ZNF333: variants seen among roughly 807,000 people sequenced by gnomAD.
The protein encoded by ZNF333 is zinc finger protein 333.
ZNF333 carries 61 observed loss-of-function variants against 76.1 expected under a neutral mutation model. The observed-to-expected ratio is 0.80, with a 90% CI of 0.65 to 0.99. ZNF333 has a LOEUF of 0.99. Ranked by LOEUF, ZNF333 falls within the 50% of genes least tolerant of loss-of-function variation. The pLI is 0.00. For synonymous variants in ZNF333, 284 were observed against 305.0 expected, an observed-to-expected ratio of 0.93 and a Z score of 0.72; for missense variants, 717 against 822.4, an observed-to-expected ratio of 0.87 and a Z score of 1.57.
chr19:14,697,290 T>C (rs149796401), intron 4 of ZNF333, among the ~76,000 whole-genome samples: 14 of 152,250 alleles, frequency 9.2e-5, no homozygotes, highest in African/African-American at 3.4e-4. Context: ...TTGGATTGTT[T>C]CTACTTTTTA....
Position 14,720,504 on chromosome 19 carries a change from A to T in ZNF333, c.*1179A>T, listed in dbSNP as rs2042563574. 1 of 985,338 alleles carries T rather than the reference A, an allele frequency of 1.0e-6. No individual in the cohort carries two copies. Among genetic ancestry groups the T allele is most frequent in the Admixed American group, 6.1e-5 (1 of 16,270 alleles). The allele number at this position is 985,338 out of a possible 1,614,324, so 61.0% of individuals were successfully genotyped here. A position where few individuals can be genotyped will look rare whatever the true frequency, so the allele number is the denominator to read the frequency against. On this transcript the variant is annotated 3_prime_UTR_variant, in exon 12 of 12. Transcript: ENST00000292530. ...AAAAAATATTTAGGATAGATTTAATAGAATTGGCATATTTATGTGATTGCA... is the reference window on the plus strand; with the variant it reads ...AAAAAATATTTAGGATAGATTTAATTGAATTGGCATATTTATGTGATTGCA...
chr19:14,719,056 C>G lies in ZNF333; in HGVS notation c.1729C>G (p.Leu577Val). The G allele has an allele frequency of 6.2e-7, 1 of 1,614,182 alleles. No individual in the cohort carries two copies. Among genetic ancestry groups the G allele is most frequent in the East Asian group, 2.2e-5 (1 of 44,876 alleles). ...GCGAGCCTTCAGTGAGCCCTCATCC[C>G]TCAGGAAACATGCAAGGACTCACAG... The part of the protein sequence containing the change: ...CGRAFSEPSS[L>V]RKHARTHSGK... The change falls in exon 12 of 12, where the codon CTC becomes GTC. Residue 577 changes from leucine to valine, a missense_variant. Transcript: ENST00000292530.
In ZNF333 at chr19:14,717,086, G is replaced by GCAGGTGAGCCCAGGCAGAT; in HGVS notation, c.823+7_823+25dup. The GCAGGTGAGCCCAGGCAGAT allele has an allele frequency of 6.2e-7, 1 of 1,603,714 alleles. No homozygotes were observed. The highest frequency in any genetic ancestry group is 8.5e-7 in the Non-Finnish European group (1 of 1,173,930). On this transcript the variant is annotated frameshift_variant, in exon 10 of 12. Coordinates refer to ENST00000292530, the MANE Select transcript of ZNF333 (RefSeq NM_032433.4). LOFTEE classifies it high-confidence loss of function. Reference sequence around the variant, plus strand: ...CAGGGGCGTCCTCTCAGACACCTGTGCAGGTGAGCCCAGGCAGATCAGGTG... The same window carrying GCAGGTGAGCCCAGGCAGAT: ...CAGGGGCGTCCTCTCAGACACCTGTGCAGGTGAGCCCAGGCAGATCAGGTGAGCCCAGGCAGATCAGGTG...
intron 6 of ZNF333, among the ~76,000 whole-genome samples, chr19:14,705,700 C>T (rs537573907): frequency 1.3e-5 from 2 of 152,236 alleles, no homozygotes; most frequent in African/African-American, 2.4e-5. Flanking sequence ...AGGAGGTGAG[C>T]GGCGAGCATC....
intron 5 of ZNF333, chr19:14,701,530 C>G (rs1339471424): frequency 7.2e-6 from 7 of 970,236 alleles, no homozygotes; most frequent in Non-Finnish European, 7.4e-6. Context: ...TAAGGTGTTG[C>G]AGAAGGCATC....
chr19:14,723,080 C>T (rs1395726353), downstream of ZNF333, among the ~76,000 whole-genome samples: 1 of 152,176 alleles, frequency 6.6e-6, no homozygotes, highest in Non-Finnish European at 1.5e-5. Flanking sequence ...GCCACCATGC[C>T]CAGCCAAGTT....
intron 5 of ZNF333, 182 bp downstream of exon 5, chr19:14,699,463 G>T: frequency 5.5e-6 from 3 of 540,612 alleles, no homozygotes; most frequent in Non-Finnish European, 3.3e-6. Context: ...TGTTGCTCAA[G>T]ACTTTTTTTT....
At chr19:14,703,791 G>A (rs553218692) in intron 5 of ZNF333, among the ~76,000 whole-genome samples, 2 of 152,298 alleles carry the variant, frequency 1.3e-5, no homozygotes, top group South Asian at 4.1e-4. Flanking sequence ...GGCTGGGTGA[G>A]AGTGAGATAA....
chr19:14,707,575 G>A (rs1161443441), intron 7 of ZNF333, among the ~76,000 whole-genome samples: 5 of 122,928 alleles, frequency 4.1e-5, no homozygotes, highest in Middle Eastern at 4.7e-3. Context: ...TTTTTGAGAC[G>A]GAGTCTCACT....
intron 11 of ZNF333, among the ~76,000 whole-genome samples, chr19:14,727,883 G>C (rs1287547071): frequency 6.6e-6 from 1 of 152,158 alleles, no homozygotes; most frequent in Non-Finnish European, 1.5e-5. Flanking sequence ...AGTAAACTGA[G>C]CTATCTTACC....
At chr19:14,707,847 G>A (rs185502772) in intron 7 of ZNF333, 13 of 391,180 alleles carry the variant, frequency 3.3e-5, no homozygotes, top group African/African-American at 1.7e-4. Flanking sequence ...CACCGCGCCC[G>A]GCCATAAACT....
chr19:14,692,020 C>T (rs1972811383), intron 1 of ZNF333, among the ~76,000 whole-genome samples: 2 of 152,140 alleles, frequency 1.3e-5, no homozygotes, highest in East Asian at 3.9e-4. Flanking sequence ...CCTTCTTAGG[C>T]TAGCTATACT....
rs777286605 is a variant in ZNF333, at chr19:14,720,777, T to C, written c.*1452T>C. The C allele has an allele frequency of 7.1e-6, 7 of 985,222 alleles. No homozygotes were observed. Among genetic ancestry groups the C allele is most frequent in the Non-Finnish European group, 8.4e-6 (7 of 829,842 alleles). 61.0% of individuals were successfully genotyped at this position (985,222 alleles called of 1,614,324 possible). On this transcript the variant is annotated 3_prime_UTR_variant, in exon 12 of 12. Transcript: ENST00000292530. ...TGTGTTTAAAAACCATCTACACATT[T>C]ATAAATGTTGATCTGTGATCTAGCA...
rs144754680 is a variant in ZNF333 at position 14,706,691 on chromosome 19, G to A, written c.429G>A (p.Leu143=). 184 of 1,614,028 alleles carry A rather than the reference G, an allele frequency of 1.1e-4. No homozygotes were observed. The highest frequency in any genetic ancestry group is 1.4e-4 in the Non-Finnish European group (167 of 1,180,010). ...EPPWSLGCTG[L]KAAMQIQRVV... ...ACCCCTGTCACTCTGTCCAGGGACT[G>A]AAGGCCGCTATGCAGATTCAGAGGG... The change falls in exon 7 of 12, where the codon CTG becomes CTA. Residue 143 remains leucine, a synonymous_variant. Coordinates refer to ENST00000292530, the MANE Select transcript of ZNF333 (RefSeq NM_032433.4).
chr19:14,689,824 C>A (rs1430514084), upstream of ZNF333: 1 of 152,274 alleles, frequency 6.6e-6, no homozygotes, highest in Non-Finnish European at 1.5e-5. Flanking sequence ...GACCTAAGCC[C>A]CACCCCTATC....
chr19:14,699,117 C>T (rs1373298801), intron 4 of ZNF333, 82 bp from the exon 5 acceptor site: 13 of 1,059,274 alleles, frequency 1.2e-5, no homozygotes, highest in Admixed American at 3.4e-5. Flanking sequence ...TATATATTCA[C>T]ATATATATGT....
At chr19:14,717,761 T>C (rs2042477449) in intron 11 of ZNF333, 28 bp downstream of exon 11, 2 of 1,600,888 alleles carry the variant, frequency 1.2e-6, no homozygotes, top group Non-Finnish European at 1.7e-6. Context: ...TTATTCATGG[T>C]TCTCTATAGT....
intron 5 of ZNF333, among the ~76,000 whole-genome samples, chr19:14,703,222 A>AAC (rs2042012987): frequency 6.7e-6 from 1 of 150,346 alleles, no homozygotes; most frequent in African/African-American, 2.5e-5. Flanking sequence ...AAAAAAAAAA[A>AAC]CCATCAGATC....
chr19:14,711,986 T>A (rs1031877480), intron 7 of ZNF333, among the ~76,000 whole-genome samples: 5 of 152,006 alleles, frequency 3.3e-5, no homozygotes, highest in African/African-American at 1.2e-4. Context: ...GGGCGACGTT[T>A]CAGTGGATCC....
Sources: gnomAD v4.1 joint callset for allele counts (sites outside exome capture counted in the v4.1 genomes callset) on GRCh38, gnomAD v4.1.1 for gene constraint, MANE v1.5 for transcripts, NCBI Gene and HGNC (gene_info 2026-07-23, HGNC 2026-07-21) for gene names.